Variants in RBFOX1 observed in about 807,000 individuals in gnomAD.
RBFOX1 encodes RNA binding fox-1 homolog 1, also known as RNA binding protein fox-1 homolog 1.
In RBFOX1, 8 loss-of-function variants were observed where a neutral mutation model predicts 57.7. That is an observed-to-expected ratio of 0.14 (90% CI 0.08 to 0.25). RBFOX1 has a LOEUF of 0.25. Ranked by LOEUF, RBFOX1 falls within the 10% of genes least tolerant of loss-of-function variation. The probability of loss-of-function intolerance (pLI) is 1.00; values close to 1 mark genes in which losing one functional copy is unlikely to be tolerated. For missense variants in RBFOX1, 611 were observed against 548.5 expected (o/e 1.11, Z -1.14); for synonymous variants, 326 against 222.4 (o/e 1.47, Z -4.15).
At chr16:6,447,746 A>G (rs2094513382) in intron 2 of RBFOX1, among the ~76,000 whole-genome samples, 1 of 152,200 alleles carries the variant, frequency 6.6e-6, no homozygotes, top group South Asian at 2.1e-4. Flanking sequence ...GCTGCTGAAG[A>G]GTTATGGGAA....
At chr16:5,544,679 A>G (rs2045109334) in intron 2 of RBFOX1, among the ~76,000 whole-genome samples, 1 of 152,196 alleles carries the variant, frequency 6.6e-6, no homozygotes, top group Non-Finnish European at 1.5e-5. Context: ...ATCAAATACT[A>G]AAGATATATC....
At chr16:5,969,947 G>T (rs973728656) in intron 4 of RBFOX1, among the ~76,000 whole-genome samples, 1 of 152,060 alleles carries the variant, frequency 6.6e-6, no homozygotes, top group Non-Finnish European at 1.5e-5. Context: ...GCAGGGAGTT[G>T]ACCACATCTG....
At chr16:6,549,177 G>A (rs1180101031) in intron 2 of RBFOX1, among the ~76,000 whole-genome samples, 2 of 19,594 alleles carry the variant, frequency 1.0e-4, no homozygotes, top group Non-Finnish European at 2.4e-4. Flanking sequence ...GAGGAGGAGG[G>A]GAGGTGGGAG....
At chr16:5,759,578 G>C (rs534185827) in intron 3 of RBFOX1, among the ~76,000 whole-genome samples, 11 of 152,320 alleles carry the variant, frequency 7.2e-5, no homozygotes, top group Admixed American at 1.3e-4. Context: ...TAATGGCACA[G>C]AACATGAGGT....
rs78959300 is a variant in RBFOX1 at position 6,322,884 on chromosome 16, A to G, written c.-64+5827A>G. On this transcript the variant is annotated intron_variant, in intron 2 of 15. Coordinates refer to ENST00000550418, the MANE Select transcript of RBFOX1 (RefSeq NM_018723.4). ...CATTTAGAGTCTGTGGTCTGGAAGG[A>G]CAAACTCATCTAGATAATGCTCATT... 1.6e-3 allele frequency among the ~76,000 whole-genome samples: 251 copies of G among 152,266 alleles called. 2 individuals carry two copies. Among genetic ancestry groups the G allele is most frequent in the African/African-American group, 5.8e-3 (239 of 41,562 alleles).
At chr16:6,549,265 A>G (rs547631236) in intron 2 of RBFOX1, among the ~76,000 whole-genome samples, 1 of 9,518 alleles carries the variant, frequency 1.1e-4, no homozygotes, top group Non-Finnish European at 2.1e-4. Context: ...GAGGAGGAGG[A>G]GAGGAGGGAG....
intron 3 of RBFOX1, among the ~76,000 whole-genome samples, chr16:6,957,067 G>T (rs955316701): frequency 7.2e-6 from 1 of 139,572 alleles, no homozygotes; most frequent in African/African-American, 3.3e-5. Flanking sequence ...CCCAAGGGCT[G>T]CTGGTTGCCC....
At chr16:5,897,912 C>T (rs1183607293) in intron 4 of RBFOX1, among the ~76,000 whole-genome samples, 2 of 147,090 alleles carry the variant, frequency 1.4e-5, no homozygotes, top group Non-Finnish European at 3.0e-5. Context: ...AATAATTTTT[C>T]ATAGTCCCCT....
intron 1 of RBFOX1, among the ~76,000 whole-genome samples, chr16:6,047,351 A>G (rs1173382265): frequency 6.6e-6 from 1 of 152,174 alleles, no homozygotes; most frequent in Non-Finnish European, 1.5e-5. Flanking sequence ...GAGGAAGGTG[A>G]TTTGGCTTTT....
intron 9 of RBFOX1, among the ~76,000 whole-genome samples, chr16:7,604,268 C>G (rs998217950): frequency 2.0e-5 from 3 of 152,104 alleles, no homozygotes; most frequent in Non-Finnish European, 4.4e-5. Context: ...TCAGAAAGGT[C>G]TTTGGTCTCC....
intron 1 of RBFOX1, among the ~76,000 whole-genome samples, chr16:6,233,855 T>C (rs2097484915): frequency 6.6e-6 from 1 of 152,184 alleles, no homozygotes; most frequent in African/African-American, 2.4e-5. Flanking sequence ...TCCTAAACCA[T>C]TTTATTACCC....
At chr16:6,455,728 G>A (rs2153054428) in intron 2 of RBFOX1, among the ~76,000 whole-genome samples, 1 of 152,236 alleles carries the variant, frequency 6.6e-6, no homozygotes, top group South Asian at 2.1e-4. Context: ...GAATGGAGGG[G>A]GTCGTTGCAG....
chr16:6,350,324 C>G (rs775981054), intron 2 of RBFOX1, among the ~76,000 whole-genome samples: 1 of 151,584 alleles, frequency 6.6e-6, no homozygotes, highest in Non-Finnish European at 1.5e-5. Flanking sequence ...GCCTGTAATA[C>G]TATCTACTCG....
intron 4 of RBFOX1, among the ~76,000 whole-genome samples, chr16:6,005,040 G>A (rs753583493): frequency 1.3e-5 from 2 of 152,186 alleles, no homozygotes; most frequent in Non-Finnish European, 2.9e-5. Context: ...TTTAAGAAGA[G>A]AGTGTGTTTT....
At chr16:7,493,972 A>T (rs904511984) in intron 4 of RBFOX1, among the ~76,000 whole-genome samples, 2 of 152,172 alleles carry the variant, frequency 1.3e-5, no homozygotes, top group African/African-American at 2.4e-5. Context: ...TTTCTTAGTT[A>T]TTTGAAGAAC....
chr16:6,307,181 A>T (rs1272034561), intron 1 of RBFOX1, among the ~76,000 whole-genome samples: 1 of 152,146 alleles, frequency 6.6e-6, no homozygotes, highest in African/African-American at 2.4e-5. Flanking sequence ...CTCAAAAGAG[A>T]AATAATGGTG....
chr16:6,797,580 T>C (rs140329248), intron 3 of RBFOX1, among the ~76,000 whole-genome samples: 122 of 152,262 alleles, frequency 8.0e-4, no homozygotes, highest in Non-Finnish European at 1.5e-3. Flanking sequence ...CACTTTCCAT[T>C]TTCATGACAG....
intron 3 of RBFOX1, among the ~76,000 whole-genome samples, chr16:6,713,745 G>C (rs2064187290): frequency 6.6e-6 from 1 of 152,078 alleles, no homozygotes; most frequent in Non-Finnish European, 1.5e-5. Context: ...TACCTCCTTA[G>C]TTATGGCTGG....
chr16:6,085,103 G>A (rs915694699), intron 1 of RBFOX1, among the ~76,000 whole-genome samples: 20 of 152,218 alleles, frequency 1.3e-4, no homozygotes, highest in African/African-American at 4.8e-4. Flanking sequence ...CTGGGTGAGG[G>A]CGGGGAGTCT....
Sources: allele counts gnomAD v4.1 joint callset (sites outside exome capture counted in the v4.1 genomes callset), GRCh38; gene constraint gnomAD v4.1.1; transcripts MANE v1.5; gene names NCBI Gene and HGNC (gene_info 2026-07-23, HGNC 2026-07-21).